Variants in CNTNAP2 observed in about 807,000 individuals in gnomAD.
CNTNAP2 encodes contactin-associated protein-like 2.
A neutral mutation model predicts 155.2 loss-of-function variants in CNTNAP2; 98 were observed. The ratio of observed to expected loss-of-function variants is 0.63; its 90% CI spans 0.54 to 0.75. CNTNAP2 has a LOEUF of 0.75. CNTNAP2 is among the 30% of genes least tolerant of loss of function. CNTNAP2 has a pLI of 0.00. For missense variants in CNTNAP2, 1,727 were observed against 1,688.1 expected, an observed-to-expected ratio of 1.02 and a Z score of -0.40; for synonymous variants, 651 against 631.2, an observed-to-expected ratio of 1.03 and a Z score of -0.47.
chr7:147,942,421 AAC>A (rs1800742198), intron 14 of CNTNAP2, among the ~76,000 whole-genome samples: 1 of 152,214 alleles, frequency 6.6e-6, no homozygotes, highest in Non-Finnish European at 1.5e-5. Flanking sequence ...TAACTTTTAA[AAC>A]AGTTTACCTA....
chr7:148,364,026 G>C (rs545132879), intron 21 of CNTNAP2, among the ~76,000 whole-genome samples: 1 of 152,324 alleles, frequency 6.6e-6, no homozygotes, highest in Admixed American at 6.5e-5. Context: ...ATTTCTCGCC[G>C]GGCCTTGGCT....
intron 8 of CNTNAP2, among the ~76,000 whole-genome samples, chr7:147,189,892 C>A (rs1475579376): frequency 6.6e-6 from 1 of 151,900 alleles, no homozygotes; most frequent in Non-Finnish European, 1.5e-5. Context: ...CTACAGGTGC[C>A]CGCCACCACG....
At chr7:148,029,072 C>T (rs1164848353) in intron 15 of CNTNAP2, among the ~76,000 whole-genome samples, 2 of 149,150 alleles carry the variant, frequency 1.3e-5, no homozygotes, top group Non-Finnish European at 3.0e-5. Context: ...AGATTGTGCC[C>T]TACCAGAATC....
chr7:146,622,677 C>T (rs1243185638), intron 1 of CNTNAP2, among the ~76,000 whole-genome samples: 1 of 152,108 alleles, frequency 6.6e-6, no homozygotes, highest in African/African-American at 2.4e-5. Context: ...GGATCCCAGG[C>T]TGGGCGCAGT....
rs1448687632 is a variant in CNTNAP2, at chr7:147,510,855, A to ATATATATATATATATG, written c.1777+24829_1777+24830insGTATATATATATATAT. Among the ~76,000 whole-genome samples the ATATATATATATATATG allele has an allele frequency of 5.9e-5, 8 of 135,748 alleles. 1 individual carries two copies. Among genetic ancestry groups the ATATATATATATATATG allele is most frequent in the Non-Finnish European group, 1.2e-4 (8 of 64,738 alleles). The allele number at this position is 135,748 out of a possible 152,430, so 89.1% of individuals were successfully genotyped here. On this transcript the variant is annotated intron_variant, in intron 11 of 23. Coordinates refer to ENST00000361727, the MANE Select transcript of CNTNAP2 (RefSeq NM_014141.6). ...TCCTGTGATGGGCCTACAACCATAT[A>ATATATATATATATATG]TATATATATATATATAATGCTTCCT...
At chr7:147,722,719 C>A (rs1390969558) in intron 13 of CNTNAP2, among the ~76,000 whole-genome samples, 1 of 152,086 alleles carries the variant, frequency 6.6e-6, no homozygotes, top group Non-Finnish European at 1.5e-5. Flanking sequence ...TTGCTTAAAC[C>A]TTTAAAGTCT....
chr7:147,677,618 T>C (rs1418042099), intron 13 of CNTNAP2, among the ~76,000 whole-genome samples: 3 of 151,804 alleles, frequency 2.0e-5, no homozygotes, highest in African/African-American at 4.8e-5. Flanking sequence ...AGCTTTTTTT[T>C]CTATGGTTTT....
chr7:146,874,136 G>A (rs987158398), intron 3 of CNTNAP2, among the ~76,000 whole-genome samples: 1 of 151,908 alleles, frequency 6.6e-6, no homozygotes, highest in African/African-American at 2.4e-5. Flanking sequence ...GAAATATCAA[G>A]TCTGACGTTA....
intron 15 of CNTNAP2, among the ~76,000 whole-genome samples, chr7:148,053,416 T>G (rs1802931041): frequency 6.6e-6 from 1 of 152,202 alleles, no homozygotes; most frequent in Non-Finnish European, 1.5e-5. Context: ...AAACTGAATA[T>G]TTAATATTCT....
chr7:147,600,191 C>T (rs1032283024), intron 12 of CNTNAP2, among the ~76,000 whole-genome samples: 3 of 152,192 alleles, frequency 2.0e-5, no homozygotes, highest in African/African-American at 4.8e-5. Flanking sequence ...CTTGATCACT[C>T]CTATGGAACT....
intron 1 of CNTNAP2, among the ~76,000 whole-genome samples, chr7:146,499,386 A>G (rs926332138): frequency 6.6e-6 from 1 of 152,080 alleles, no homozygotes; most frequent in Non-Finnish European, 1.5e-5. Flanking sequence ...TCACTAATCT[A>G]TAAACCAAAT....
At chr7:148,250,743 T>TTCCTCACCTCTA (rs1796350416) in intron 20 of CNTNAP2, among the ~76,000 whole-genome samples, 1 of 152,222 alleles carries the variant, frequency 6.6e-6, no homozygotes, top group Non-Finnish European at 1.5e-5. Flanking sequence ...TCTATCCTGC[T>TTCCTCACCTCTA]TCTTCCCAAA....
chr7:146,645,807 G>A (rs946418234), intron 1 of CNTNAP2, among the ~76,000 whole-genome samples: 5 of 151,942 alleles, frequency 3.3e-5, no homozygotes, highest in African/African-American at 9.7e-5. Flanking sequence ...ATTTGTATAT[G>A]TTTATGTGGG....
Position 146,983,243 on chromosome 7 carries a change from A to G in CNTNAP2, c.403-60664A>G, listed in dbSNP as rs575253322. On this transcript the variant is annotated intron_variant, in intron 3 of 23. Transcript: ENST00000361727. ...AAAGATTCTGCTGAATGGAAGTGGGAGTGTGAAGCCTAGGAAAGAATATAT... is the reference window on the plus strand; with the variant it reads ...AAAGATTCTGCTGAATGGAAGTGGGGGTGTGAAGCCTAGGAAAGAATATAT... Among the ~76,000 whole-genome samples the G allele has an allele frequency of 1.2e-4, 19 of 152,276 alleles. No homozygotes were observed. In the South Asian group the frequency reaches 3.7e-3, roughly 30 times the overall value.
intron 15 of CNTNAP2, among the ~76,000 whole-genome samples, chr7:148,023,380 G>A (rs1802319075): frequency 6.6e-6 from 1 of 152,196 alleles, no homozygotes; most frequent in Non-Finnish European, 1.5e-5. Context: ...AGTTTATGCA[G>A]CTCATTGGTC....
chr7:146,483,131 C>CCGGGCATGGTGGCGGGCGCCTG (rs1796990295), intron 1 of CNTNAP2, among the ~76,000 whole-genome samples: 1 of 150,336 alleles, frequency 6.7e-6, no homozygotes, highest in Non-Finnish European at 1.5e-5. Flanking sequence ...AAAAAATTAG[C>CCGGGCATGGTGGCGGGCGCCTG]CGGGCATGGT....
At chr7:148,371,203 T>C (rs1563062355) in intron 21 of CNTNAP2, among the ~76,000 whole-genome samples, 1 of 151,834 alleles carries the variant, frequency 6.6e-6, no homozygotes, top group Non-Finnish European at 1.5e-5. Flanking sequence ...AAAACAAAAC[T>C]GGAAAAAAAA....
intron 8 of CNTNAP2, among the ~76,000 whole-genome samples, chr7:147,174,884 C>A (rs1563103142): frequency 1.3e-5 from 2 of 152,012 alleles, no homozygotes; most frequent in Non-Finnish European, 2.9e-5. Context: ...ATAATTTTTT[C>A]ATAGATAGAT....
intron 1 of CNTNAP2, among the ~76,000 whole-genome samples, chr7:146,747,503 G>A (rs1311542541): frequency 1.3e-5 from 2 of 152,060 alleles, no homozygotes; most frequent in African/African-American, 4.8e-5. Context: ...GATTTTGTCT[G>A]TTTTATAGTG....
Sources: gnomAD v4.1 joint callset for allele counts (sites outside exome capture counted in the v4.1 genomes callset) on GRCh38, gnomAD v4.1.1 for gene constraint, MANE v1.5 for transcripts, NCBI Gene and HGNC (gene_info 2026-07-23, HGNC 2026-07-21) for gene names.